The following SUGCT variants were observed in gnomAD, a reference collection of about 807,000 sequenced individuals.
SUGCT encodes succinyl-CoA:glutarate-CoA transferase, also known as succinyl-CoA:glutarate CoA-transferase.
SUGCT carries 41 observed loss-of-function variants against 55.0 expected under a neutral mutation model. The observed-to-expected ratio is 0.74, with a 90% CI of 0.58 to 0.97. SUGCT has a LOEUF of 0.97. Ranked by LOEUF, SUGCT falls within the 50% of genes least tolerant of loss-of-function variation. The pLI is 0.00. For missense variants in SUGCT, 568 were observed against 547.8 expected (o/e 1.04, Z -0.37); for synonymous variants, 187 against 200.4 (o/e 0.93, Z 0.56).
At chr7:40,454,736 C>G (rs982365777) in intron 10 of SUGCT, among the ~76,000 whole-genome samples, 2 of 152,036 alleles carry the variant, frequency 1.3e-5, no homozygotes, top group Non-Finnish European at 1.5e-5. Flanking sequence ...GGAAAGAATG[C>G]CAACCTAGAT....
At chr7:40,564,219 C>CA (rs1322438223) in intron 12 of SUGCT, among the ~76,000 whole-genome samples, 2 of 151,966 alleles carry the variant, frequency 1.3e-5, no homozygotes, top group Middle Eastern at 3.4e-3. Flanking sequence ...TAAAAAAATA[C>CA]AAAAAAATTA....
At chr7:40,323,070 C>T (rs1795838195) in intron 9 of SUGCT, among the ~76,000 whole-genome samples, 1 of 152,176 alleles carries the variant, frequency 6.6e-6, no homozygotes, top group Admixed American at 6.5e-5. Flanking sequence ...AACCTTTTGG[C>T]CATCTGTTAT....
At chr7:40,954,125 A>G in the SUGCT span, among the ~76,000 whole-genome samples, 2 of 152,058 alleles carry the variant, frequency 1.3e-5, no homozygotes, top group African/African-American at 4.8e-5. Flanking sequence ...TGGCCACTTT[A>G]TTTACCTACT....
Position 40,342,768 on chromosome 7 carries a change from A to T in SUGCT, c.816+25913A>T, listed in dbSNP as rs1052340642. Among the ~76,000 whole-genome samples the T allele has an allele frequency of 2.0e-5, 3 of 151,828 alleles. No individual in the cohort carries two copies. The East Asian group carries it at 5.8e-4, about 29-fold the overall frequency. ...AGATATTATCCTGCCTCAGCCTCCC[A>T]AGTAGCTGGGATTACAGGCGCCTGC... On this transcript the variant is annotated intron_variant, in intron 9 of 13. Transcript: ENST00000335693.
chr7:40,962,868 A>T, the SUGCT span, among the ~76,000 whole-genome samples: 7 of 152,118 alleles, frequency 4.6e-5, no homozygotes, highest in Admixed American at 1.3e-4. Flanking sequence ...TAATCTGCCC[A>T]GCTTGTTTAT....
intron 6 of SUGCT, among the ~76,000 whole-genome samples, chr7:40,229,150 G>A (rs938097186): frequency 1.3e-5 from 2 of 152,192 alleles, no homozygotes; most frequent in Non-Finnish European, 2.9e-5. Context: ...CTGTCTGATA[G>A]TAGGAATCTC....
intron 13 of SUGCT, among the ~76,000 whole-genome samples, chr7:40,806,352 A>G (rs1276711110): frequency 6.6e-6 from 1 of 152,118 alleles, no homozygotes; most frequent in Non-Finnish European, 1.5e-5. Flanking sequence ...TCATATTTAT[A>G]TGAATGTTTA....
At chr7:40,238,711 A>G (rs1789168027) in intron 7 of SUGCT, among the ~76,000 whole-genome samples, 1 of 151,760 alleles carries the variant, frequency 6.6e-6, no homozygotes, top group Middle Eastern at 3.2e-3. Flanking sequence ...TTTACTTTTT[A>G]TTAATTTCAA....
At chr7:40,871,153 G>A in the SUGCT span, among the ~76,000 whole-genome samples, 1 of 152,166 alleles carries the variant, frequency 6.6e-6, no homozygotes, top group African/African-American at 2.4e-5. Flanking sequence ...CTTTGCAGAC[G>A]AGGGAGGAAA....
At chr7:40,439,810 A>T (rs1335019197) in intron 9 of SUGCT, among the ~76,000 whole-genome samples, 2 of 152,214 alleles carry the variant, frequency 1.3e-5, no homozygotes, top group South Asian at 2.1e-4. Context: ...TCACAGCCAG[A>T]CTGCTCAAAC....
At chr7:40,861,782 A>C (rs963185661), downstream of SUGCT, among the ~76,000 whole-genome samples, 1 of 152,218 alleles carries the variant, frequency 6.6e-6, no homozygotes, top group African/African-American at 2.4e-5. Context: ...CTAATTTTTG[A>C]AACAGTTATT....
rs184021765 is a variant in SUGCT, at chr7:40,275,006, G to A, written c.720+350G>A. Among the ~76,000 whole-genome samples the A allele has an allele frequency of 1.4e-4, 21 of 152,162 alleles. No homozygotes were observed. The East Asian group carries it at 3.1e-3, about 22-fold the overall frequency. ...AGTAGAGATGGGGTTTCTCCATGTC[G>A]GTCAGGCTGGTCTCGAACTCCCGAC... On this transcript the variant is annotated intron_variant, in intron 8 of 13. Transcript: ENST00000335693.
intron 1 of SUGCT, among the ~76,000 whole-genome samples, chr7:40,166,223 C>G (rs1784418144): frequency 6.6e-6 from 1 of 152,192 alleles, no homozygotes. Flanking sequence ...AACTTGCAAA[C>G]TCCATGAGAC....
chr7:40,170,933 C>T (rs1207765172), intron 1 of SUGCT, among the ~76,000 whole-genome samples: 1 of 152,126 alleles, frequency 6.6e-6, no homozygotes, highest in Non-Finnish European at 1.5e-5. Context: ...CCAGCATACC[C>T]GACATTGCCT....
At position 40,850,794 on chromosome 7, in the gene SUGCT, C is replaced by G. The variant is rs141406776; in HGVS notation, c.1154-9522C>G. 1.5e-4 allele frequency among the ~76,000 whole-genome samples: 23 copies of G among 152,296 alleles called. No individual in the cohort carries two copies. In the East Asian group the frequency reaches 4.2e-3, roughly 28 times the overall value. ...GATTTCTACAAGTTAAAACTTTTAT[C>G]TTTAGCCTGCTCTCACAAATCTAAA... On this transcript the variant is annotated intron_variant, in intron 13 of 13. Coordinates refer to ENST00000335693, the MANE Select transcript of SUGCT (RefSeq NM_001193313.2).
intron 12 of SUGCT, among the ~76,000 whole-genome samples, chr7:40,589,412 A>G (rs1797588323): frequency 6.6e-6 from 1 of 152,138 alleles, no homozygotes; most frequent in African/African-American, 2.4e-5. Context: ...TGCTGCCTTG[A>G]TCAGCCTTCC....
chr7:40,362,405 C>A (rs940681914), intron 9 of SUGCT, among the ~76,000 whole-genome samples: 4 of 151,688 alleles, frequency 2.6e-5, no homozygotes, highest in Non-Finnish European at 5.9e-5. Context: ...GGTGACAGAG[C>A]GAGAGTCCAT....
chr7:40,825,271 A>G (rs1167297233), intron 13 of SUGCT, among the ~76,000 whole-genome samples: 2 of 152,206 alleles, frequency 1.3e-5, no homozygotes, highest in Admixed American at 6.5e-5. Context: ...TTTGATGAAC[A>G]TATGGCATTG....
intron 10 of SUGCT, 46 bp downstream of exon 10, chr7:40,449,404 A>T: frequency 6.7e-7 from 1 of 1,499,130 alleles, no homozygotes; most frequent in Non-Finnish European, 9.2e-7. Flanking sequence ...GTACAAAGCC[A>T]GGGAAAGTTC....
Sources: allele counts gnomAD v4.1 joint callset (sites outside exome capture counted in the v4.1 genomes callset), GRCh38; gene constraint gnomAD v4.1.1; transcripts MANE v1.5; gene names NCBI Gene and HGNC (gene_info 2026-07-23, HGNC 2026-07-21).